Variants in RGSL1 observed in about 807,000 individuals in gnomAD.
RGSL1 encodes the protein regulator of G protein signaling like 1.
In RGSL1, 97 loss-of-function variants were observed where a neutral mutation model predicts 124.7. That is an observed-to-expected ratio of 0.78 (90% CI 0.66 to 0.92). RGSL1 has a LOEUF of 0.92. Among genes scored for constraint, RGSL1 ranks in the 40% least tolerant of loss-of-function variants. The pLI is 0.00. For missense variants in RGSL1, 1,233 were observed against 1,288.4 expected, an observed-to-expected ratio of 0.96 and a Z score of 0.66; for synonymous variants, 424 against 438.1, an observed-to-expected ratio of 0.97 and a Z score of 0.40.
chr1:182,476,231 G>A (rs369426911), intron 6 of RGSL1, among the ~76,000 whole-genome samples: 1 of 152,136 alleles, frequency 6.6e-6, no homozygotes, highest in Non-Finnish European at 1.5e-5. Context: ...GCCATTTTAC[G>A]ACAGAGATTC....
At chr1:182,495,816 T>G (rs538159516) in intron 9 of RGSL1, among the ~76,000 whole-genome samples, 3 of 152,220 alleles carry the variant, frequency 2.0e-5, no homozygotes, top group Non-Finnish European at 4.4e-5. Flanking sequence ...ACAGTGGTAA[T>G]GACATGGGTG....
rs968078228 is a variant in RGSL1, at chr1:182,489,006, A to C, written c.1521A>C (p.Arg507Ser). 23 of 1,551,018 alleles carry C rather than the reference A, an allele frequency of 1.5e-5. No homozygotes were observed. The highest frequency in any genetic ancestry group is 1.7e-5 in the Non-Finnish European group (20 of 1,146,998). ...CACAGAACAGGTTCATCAGCTCCAG[A>C]CAGCATAAAAGAGAATTTATAGGCA... ...FTTQNRFISS[R>S]QHKREFIGKE... The change falls in exon 8 of 22, where the codon AGA becomes AGC. Residue 507 changes from arginine (R) to serine (S), a missense_variant. Arg to Ser is a moderately radical substitution (Grantham distance 110). Transcript: ENST00000294854.
intron 1 of RGSL1, chr1:182,450,452 G>A (rs537016391): frequency 1.9e-6 from 1 of 529,896 alleles, no homozygotes; most frequent in Non-Finnish European, 3.4e-6. Context: ...CTCCTCCAGA[G>A]AGAAGACTGG....
At chr1:182,460,558 T>C (rs1652737948) in intron 4 of RGSL1, 1 of 439,444 alleles carries the variant, frequency 2.3e-6, no homozygotes, top group Non-Finnish European at 4.5e-6. Context: ...CAGAATTTCT[T>C]ACCTAGTTAA....
intron 6 of RGSL1, among the ~76,000 whole-genome samples, chr1:182,481,613 C>A (rs1005250983): frequency 6.6e-6 from 1 of 152,118 alleles, no homozygotes; most frequent in Non-Finnish European, 1.5e-5. Context: ...GACACCAAAG[C>A]CAGACAAAGA....
intron 10 of RGSL1, among the ~76,000 whole-genome samples, chr1:182,525,515 G>A (rs1658677512): frequency 6.6e-6 from 1 of 152,064 alleles, no homozygotes; most frequent in African/African-American, 2.4e-5. Flanking sequence ...TTTACTAGAG[G>A]CAATCAATAA....
At chr1:182,495,747 T>C (rs1203454284) in intron 9 of RGSL1, among the ~76,000 whole-genome samples, 1 of 152,186 alleles carries the variant, frequency 6.6e-6, no homozygotes, top group Non-Finnish European at 1.5e-5. Flanking sequence ...TTTCCTCTTC[T>C]GTCAGCTGGT....
chr1:182,507,796 G>A (rs376674345), intron 9 of RGSL1, among the ~76,000 whole-genome samples: 1 of 151,862 alleles, frequency 6.6e-6, no homozygotes. Flanking sequence ...TTGACCTCTT[G>A]GACTCAAGCA....
At chr1:182,501,272 CTT>C (rs1350618112) in intron 9 of RGSL1, among the ~76,000 whole-genome samples, 3 of 118,926 alleles carry the variant, frequency 2.5e-5, no homozygotes, top group African/African-American at 9.4e-5. Flanking sequence ...TTCTCTCTTT[CTT>C]TCTTTTTTTT....
rs2102038093 is a variant in RGSL1 at position 182,473,521 on chromosome 1, A to G, written c.464-54A>G. The G allele has an allele frequency of 2.0e-6, 3 of 1,465,098 alleles. No individual in the cohort carries two copies. In the East Asian group the frequency reaches 7.5e-5, roughly 36 times the overall value. 90.8% of individuals were successfully genotyped at this position (1,465,098 alleles called of 1,614,324 possible). ...AATTAAAAACCTCTCCAACACCATC[A>G]TCACTGCCATCATCCCATCATTTTC... is the stretch of plus-strand genomic sequence containing the variant. On this transcript the variant is annotated intron_variant, in intron 5 of 21. Transcript: ENST00000294854.
intron 1 of RGSL1, among the ~76,000 whole-genome samples, chr1:182,451,753 A>T (rs1314343543): frequency 1.4e-5 from 2 of 141,224 alleles, no homozygotes; most frequent in Admixed American, 1.4e-4. Context: ...ATATCAACAG[A>T]TTATGGTGGC....
chr1:182,536,537 G>C (rs1032199889), intron 14 of RGSL1, among the ~76,000 whole-genome samples: 1 of 152,086 alleles, frequency 6.6e-6, no homozygotes, highest in Non-Finnish European at 1.5e-5. Context: ...TTTTTATTTT[G>C]TCTGATGACT....
At chr1:182,480,643 A>T (rs1571532272) in intron 6 of RGSL1, among the ~76,000 whole-genome samples, 1 of 151,866 alleles carries the variant, frequency 6.6e-6, no homozygotes, top group Admixed American at 6.6e-5. Context: ...TTTCTTAGAG[A>T]CGGGGTTTCA....
intron 9 of RGSL1, among the ~76,000 whole-genome samples, chr1:182,521,500 G>T (rs562025995): frequency 6.6e-6 from 1 of 152,240 alleles, no homozygotes; most frequent in Non-Finnish European, 1.5e-5. Flanking sequence ...AGCAGTGTCC[G>T]TGGGAAAGAA....
intron 9 of RGSL1, among the ~76,000 whole-genome samples, chr1:182,518,581 C>T (rs1377194849): frequency 1.3e-5 from 2 of 152,282 alleles, no homozygotes; most frequent in East Asian, 3.9e-4. Context: ...ACTCTGAATT[C>T]TTCCCATGAA....
At chr1:182,449,993 T>C (rs138413191), upstream of RGSL1, 311 of 714,832 alleles carry the variant, frequency 4.4e-4, 2 homozygotes, top group African/African-American at 5.0e-3. Context: ...TTAGGTAAGA[T>C]AAAGACTTAT....
chr1:182,530,526 G>GAC (rs1351535181), intron 12 of RGSL1, among the ~76,000 whole-genome samples, 165 bp downstream of exon 12: 11 of 64,000 alleles, frequency 1.7e-4, no homozygotes, highest in Non-Finnish European at 3.3e-4. Flanking sequence ...CTATCTATCT[G>GAC]ACACACACAC....
rs1328165132 is a variant in RGSL1, at chr1:182,530,819, C to G, written c.2273C>G (p.Pro758Arg). Residue 758 changes from proline (P) to arginine (R), a missense_variant, in exon 13 of 22, where the codon CCT becomes CGT. Physicochemically the swap from Pro to Arg is moderately radical, Grantham distance 103. Coordinates refer to ENST00000294854, the MANE Select transcript of RGSL1 (RefSeq NM_001137669.2). ...WFKDYQDLFP[P>R]HHQEVEVQSE... Reference sequence around the variant, plus strand: ...AAAGATTATCAAGACCTGTTCCCACCTCACCATCAGGAGGTGGAAGTGCAA... The same window carrying G: ...AAAGATTATCAAGACCTGTTCCCACGTCACCATCAGGAGGTGGAAGTGCAA... 6.5e-7 allele frequency: 1 copy of G among 1,549,644 alleles called. No homozygotes were observed. The highest frequency in any genetic ancestry group is 2.4e-5 in the East Asian group (1 of 40,840).
intron 6 of RGSL1, among the ~76,000 whole-genome samples, chr1:182,475,381 AG>A (rs1654209476): frequency 6.6e-6 from 1 of 152,216 alleles, no homozygotes; most frequent in African/African-American, 2.4e-5. Flanking sequence ...CAAACGGCAA[AG>A]TTAAGTTGGG....
Sources: gnomAD v4.1 joint callset for allele counts (sites outside exome capture counted in the v4.1 genomes callset) on GRCh38, gnomAD v4.1.1 for gene constraint, MANE v1.5 for transcripts, NCBI Gene and HGNC (gene_info 2026-07-23, HGNC 2026-07-21) for gene names.